The following THSD7A variants were observed in gnomAD, a reference collection of about 807,000 sequenced individuals.
THSD7A encodes the protein thrombospondin type 1 domain containing 7A.
A neutral mutation model predicts 231.3 loss-of-function variants in THSD7A; 96 were observed. That is an observed-to-expected ratio of 0.41 (90% CI 0.35 to 0.49). The LOEUF (loss-of-function observed/expected upper bound fraction) is 0.49, where lower values mean the gene tolerates loss of function less well. Ranked by LOEUF, THSD7A falls within the 20% of genes least tolerant of loss-of-function variation. The probability of loss-of-function intolerance (pLI) is 0.05; values close to 1 mark genes in which losing one functional copy is unlikely to be tolerated. For synonymous variants in THSD7A, 940 were observed against 743.3 expected, an observed-to-expected ratio of 1.26 and a Z score of -4.30; for missense variants, 2,290 against 2,070.2, an observed-to-expected ratio of 1.11 and a Z score of -2.06.
intron 1 of THSD7A, among the ~76,000 whole-genome samples, chr7:11,721,636 TG>T (rs2128153266): frequency 6.6e-6 from 1 of 152,046 alleles, no homozygotes; most frequent in Non-Finnish European, 1.5e-5. Context: ...GCCTCTCATC[TG>T]GATTACTACT....
chr7:11,769,151 A>ATTTTTTTCT (rs1422492872), intron 1 of THSD7A, among the ~76,000 whole-genome samples: 5 of 35,490 alleles, frequency 1.4e-4, no homozygotes, highest in Non-Finnish European at 3.0e-4. Flanking sequence ...ATATATATAT[A>ATTTTTTTCT]TATTTTTTTT....
intron 1 of THSD7A, among the ~76,000 whole-genome samples, chr7:11,650,586 A>T (rs1364437139): frequency 6.6e-6 from 1 of 151,870 alleles, no homozygotes; most frequent in African/African-American, 2.4e-5. Flanking sequence ...GTGAGTGCTG[A>T]GTGGGTTTCT....
chr7:11,396,348 G>GT (rs569386714), intron 23 of THSD7A, among the ~76,000 whole-genome samples: 27 of 152,140 alleles, frequency 1.8e-4, no homozygotes, highest in African/African-American at 6.0e-4. Flanking sequence ...TCAAGGAGCT[G>GT]TTTTTTTGAA....
At chr7:11,638,070 C>T (rs554236390) in intron 1 of THSD7A, among the ~76,000 whole-genome samples, 4 of 152,264 alleles carry the variant, frequency 2.6e-5, no homozygotes, top group African/African-American at 9.6e-5. Context: ...TAGTGCCCCT[C>T]ACACCCTTAC....
At chr7:11,670,002 A>G (rs1262193449) in intron 1 of THSD7A, among the ~76,000 whole-genome samples, 1 of 151,928 alleles carries the variant, frequency 6.6e-6, no homozygotes, top group Admixed American at 6.6e-5. Flanking sequence ...TTTATGTGCA[A>G]GCTTGTGCTT....
At chr7:11,786,005 T>C (rs1157130024) in intron 1 of THSD7A, among the ~76,000 whole-genome samples, 1 of 152,148 alleles carries the variant, frequency 6.6e-6, no homozygotes, top group Non-Finnish European at 1.5e-5. Context: ...TTATCCGTTA[T>C]GGAATATCTC....
At chr7:11,404,026 G>C (rs142501293) in intron 22 of THSD7A, among the ~76,000 whole-genome samples, 226 of 152,258 alleles carry the variant, frequency 1.5e-3, no homozygotes, top group Non-Finnish European at 2.6e-3. Flanking sequence ...ATTTAGAAGA[G>C]AAGAGCAGCC....
chr7:11,578,000 G>A (rs1190495866), intron 4 of THSD7A, among the ~76,000 whole-genome samples: 3 of 152,050 alleles, frequency 2.0e-5, no homozygotes, highest in Admixed American at 1.3e-4. Context: ...TTTAGAAAAG[G>A]TCTATTTTTT....
At chr7:11,463,928 G>A (rs1391743275) in intron 9 of THSD7A, among the ~76,000 whole-genome samples, 5 of 152,180 alleles carry the variant, frequency 3.3e-5, no homozygotes, top group African/African-American at 1.2e-4. Flanking sequence ...GGAAAATTCT[G>A]TCTCCCTTGA....
At chr7:11,643,643 T>C (rs1782173286) in intron 1 of THSD7A, among the ~76,000 whole-genome samples, 1 of 151,694 alleles carries the variant, frequency 6.6e-6, no homozygotes, top group Non-Finnish European at 1.5e-5. Flanking sequence ...TTCTATACTG[T>C]TATTTAATCT....
chr7:11,583,362 C>T (rs1791250677), intron 4 of THSD7A, among the ~76,000 whole-genome samples: 2 of 152,040 alleles, frequency 1.3e-5, no homozygotes, highest in Admixed American at 6.6e-5. Flanking sequence ...CTGCAATCTC[C>T]ACCTCCTGGG....
At chr7:11,548,261 A>C (rs1027572837) in intron 4 of THSD7A, among the ~76,000 whole-genome samples, 1 of 152,074 alleles carries the variant, frequency 6.6e-6, no homozygotes, top group Non-Finnish European at 1.5e-5. Flanking sequence ...AACTTATAAG[A>C]AATGGATAAA....
intron 1 of THSD7A, among the ~76,000 whole-genome samples, chr7:11,696,806 T>C (rs575672728): frequency 1.3e-4 from 19 of 151,448 alleles, no homozygotes; most frequent in African/African-American, 4.1e-4. Flanking sequence ...CGTATACTTA[T>C]AGGCATGCAG....
intron 13 of THSD7A, among the ~76,000 whole-genome samples, chr7:11,438,189 ATC>A (rs989325067): frequency 2.6e-5 from 4 of 152,074 alleles, no homozygotes; most frequent in Non-Finnish European, 5.9e-5. Flanking sequence ...CTTTGGAATC[ATC>A]TGTGTCAGAA....
chr7:11,416,783 C>T (rs1036294437), intron 17 of THSD7A, among the ~76,000 whole-genome samples: 14 of 152,176 alleles, frequency 9.2e-5, no homozygotes, highest in Non-Finnish European at 1.9e-4. Flanking sequence ...GCAGCCAGTT[C>T]TGTTTCAAAT....
chr7:11,485,208 G>T (rs759230146), intron 6 of THSD7A, among the ~76,000 whole-genome samples: 1 of 152,036 alleles, frequency 6.6e-6, no homozygotes, highest in Non-Finnish European at 1.5e-5. Flanking sequence ...ATTCTTAAAA[G>T]ATCCCCAGGT....
At chr7:11,756,736 C>T (rs1341471485) in intron 1 of THSD7A, among the ~76,000 whole-genome samples, 1 of 151,972 alleles carries the variant, frequency 6.6e-6, no homozygotes, top group Non-Finnish European at 1.5e-5. Flanking sequence ...TATTTATATA[C>T]TGGAGAAAAG....
chr7:11,696,814 C>A (rs1022585566), intron 1 of THSD7A, among the ~76,000 whole-genome samples: 6 of 151,324 alleles, frequency 4.0e-5, no homozygotes, highest in Non-Finnish European at 4.4e-5. Flanking sequence ...TATAGGCATG[C>A]AGCATAAATG....
intron 25 of THSD7A, 139 bp downstream of exon 25, chr7:11,379,489 TAG>T: frequency 1.1e-6 from 1 of 910,786 alleles, no homozygotes; most frequent in Non-Finnish European, 1.7e-6. Flanking sequence ...CAGGACTTTT[TAG>T]ATTGATAAAA....
Sources: allele counts gnomAD v4.1 joint callset (sites outside exome capture counted in the v4.1 genomes callset), GRCh38; gene constraint gnomAD v4.1.1; transcripts MANE v1.5; gene names NCBI Gene and HGNC (gene_info 2026-07-23, HGNC 2026-07-21).